Variants in TSC22D2 observed in about 807,000 individuals in gnomAD.
The protein encoded by TSC22D2 is TSC22 domain family member 2.
Under a neutral mutation model 50.1 loss-of-function variants are expected in TSC22D2, and 5 were observed. The ratio of observed to expected loss-of-function variants is 0.10; its 90% CI spans 0.05 to 0.21. The LOEUF (loss-of-function observed/expected upper bound fraction) is 0.21, where lower values mean the gene tolerates loss of function less well. TSC22D2 is among the 10% of genes least tolerant of loss of function. The probability of loss-of-function intolerance (pLI) is 1.00; values close to 1 mark genes in which losing one functional copy is unlikely to be tolerated. For missense variants in TSC22D2, 1,003 were observed against 1,015.5 expected (o/e 0.99, Z 0.17); for synonymous variants, 501 against 450.1 (o/e 1.11, Z -1.43).
chr3:150,428,734 T>C (rs1023323304), intron 1 of TSC22D2, among the ~76,000 whole-genome samples: 1 of 152,150 alleles, frequency 6.6e-6, no homozygotes, highest in Non-Finnish European at 1.5e-5. Flanking sequence ...TGTACTCCAT[T>C]TCTACAGAAC....
intron 1 of TSC22D2, among the ~76,000 whole-genome samples, chr3:150,420,154 T>C (rs1719956814): frequency 6.6e-6 from 1 of 152,206 alleles, no homozygotes; most frequent in Non-Finnish European, 1.5e-5. Flanking sequence ...CATTCCAAAA[T>C]AGAAGTCTCT....
At chr3:150,443,337 C>CTA (rs1343785198) in intron 1 of TSC22D2, among the ~76,000 whole-genome samples, 1 of 152,184 alleles carries the variant, frequency 6.6e-6, no homozygotes, top group Non-Finnish European at 1.5e-5. Flanking sequence ...GGTACATCCT[C>CTA]TAGATATTTC....
intron 1 of TSC22D2, among the ~76,000 whole-genome samples, chr3:150,427,393 A>G (rs375850284): frequency 5.3e-4 from 80 of 152,138 alleles, no homozygotes; most frequent in African/African-American, 1.9e-3. Flanking sequence ...ATGTAGGACC[A>G]TACACTATGT....
chr3:150,411,040 G>C lies in TSC22D2; in HGVS notation c.1690G>C (p.Gly564Arg), dbSNP rs1719538669. The C allele has an allele frequency of 1.2e-6, 2 of 1,614,086 alleles. No homozygotes were observed. Among genetic ancestry groups the C allele is most frequent in the Admixed American group, 1.7e-5 (1 of 60,012 alleles). ...IQHVGLPLAP[G>R]THSAPTSLPQ... is the part of the protein sequence containing the mutation. Reference sequence around the variant, plus strand: ...GCATGTTGGGCTGCCCTTAGCGCCAGGCACACACAGCGCACCAACAAGTCT... The same window carrying C: ...GCATGTTGGGCTGCCCTTAGCGCCACGCACACACAGCGCACCAACAAGTCT... Residue 564 changes from glycine (G) to arginine (R), a missense_variant, in exon 1 of 3, where the codon GGC becomes CGC. Gly to Arg is a moderately radical substitution (Grantham distance 125, BLOSUM62 -2). Around this residue, in one of 6 missense-constraint regions of TSC22D2, gnomAD observed 696 missense variants for 647.8 expected, o/e 1.07. Transcript: ENST00000688009.
intron 1 of TSC22D2, among the ~76,000 whole-genome samples, chr3:150,421,060 GC>G (rs1484685580): frequency 6.6e-6 from 1 of 152,232 alleles, no homozygotes; most frequent in Non-Finnish European, 1.5e-5. Flanking sequence ...TCCAGCCTGA[GC>G]GACAAGAGTG....
intron 1 of TSC22D2, among the ~76,000 whole-genome samples, chr3:150,429,332 T>A (rs532757806): frequency 1.3e-5 from 2 of 152,258 alleles, no homozygotes; most frequent in South Asian, 4.1e-4. Context: ...TCTTAAAAAC[T>A]AGTGAATTCT....
rs932539908 is a variant in TSC22D2, at chr3:150,464,411, CTTTT to C, written c.*5780_*5783del. The stretch of plus-strand genomic sequence containing the variant: ...TGATGTTTTCAAGAAATTTAGGTTT[CTTTT>C]TTTTATTTTATAAAAAAAATGTTGA... On this transcript the variant is annotated 3_prime_UTR_variant, in exon 3 of 3. Coordinates refer to ENST00000688009, the MANE Select transcript of TSC22D2 (RefSeq NM_001303264.2). The C allele has an allele frequency of 1.3e-5, 2 of 151,672 alleles. No individual in the cohort carries two copies. Among genetic ancestry groups the C allele is most frequent in the African/African-American group, 2.4e-5 (1 of 41,298 alleles). The allele number at this position is 151,672 out of a possible 1,614,324, so 9.4% of individuals were successfully genotyped here.
rs1263133126 is a variant in TSC22D2 at position 150,459,989 on chromosome 3, T to C, written c.*1353T>C. The stretch of plus-strand genomic sequence containing the variant: ...TATACTGAGTATTTAAATTAAAATG[T>C]ACATTTCATAAATACAGTTTCAAAA... On this transcript the variant is annotated 3_prime_UTR_variant, in exon 3 of 3. Coordinates refer to ENST00000688009, the MANE Select transcript of TSC22D2 (RefSeq NM_001303264.2). The C allele has an allele frequency of 2.0e-5, 3 of 152,178 alleles. No individual in the cohort carries two copies. The highest frequency in any genetic ancestry group is 4.4e-5 in the Non-Finnish European group (3 of 68,016). The allele number at this position is 152,178 out of a possible 1,614,324, so 9.4% of individuals were successfully genotyped here.
chr3:150,457,720 C>T (rs968229066), intron 2 of TSC22D2, among the ~76,000 whole-genome samples: 2 of 152,184 alleles, frequency 1.3e-5, no homozygotes, highest in Admixed American at 6.5e-5. Context: ...ACTGCAACCT[C>T]CACCTCCCAG....
chr3:150,438,248 C>A (rs377597053), intron 1 of TSC22D2: 2 of 420,630 alleles, frequency 4.8e-6, no homozygotes, highest in Admixed American at 4.8e-5. Context: ...TAATAATGAT[C>A]GAAAGCCGAA....
At position 150,410,104 on chromosome 3, in the gene TSC22D2, C is replaced by T. The variant is rs747175530; in HGVS notation, c.754C>T (p.Leu252=). The change falls in exon 1 of 3, where the codon CTA becomes TTA. Residue 252 remains leucine, a synonymous_variant. Transcript: ENST00000688009. The stretch of plus-strand genomic sequence containing the variant: ...CAGCTCCTTGACTGCTGTGTCACAG[C>T]TACCCCCGTCGGAGAAAATGAGCCA... The part of the protein sequence containing the change: ...TDSSLTAVSQ[L]PPSEKMSQPT... The T allele has an allele frequency of 3.1e-6, 5 of 1,612,638 alleles. No individual in the cohort carries two copies. The highest frequency in any genetic ancestry group is 3.4e-6 in the Non-Finnish European group (4 of 1,179,950).
chr3:150,410,309 G>T lies in TSC22D2; in HGVS notation c.959G>T (p.Gly320Val), dbSNP rs771333012. 2 of 1,571,260 alleles carry T rather than the reference G, an allele frequency of 1.3e-6. No individual in the cohort carries two copies. The highest frequency in any genetic ancestry group is 3.6e-5 in the Admixed American group (2 of 55,310). ...AGCCAGCCCCAGGGAGCGGGGCCCGGGGGACAGACTCTGCCGCCGACGAAT... is the reference window on the plus strand; with the variant it reads ...AGCCAGCCCCAGGGAGCGGGGCCCGTGGGACAGACTCTGCCGCCGACGAAT... ...QPSQPQGAGP[G>V]GQTLPPTNVT... The change falls in exon 1 of 3, where the codon GGG (glycine) becomes GTG (valine). Residue 320 changes from glycine (G) to valine (V), a missense_variant. Gly to Val is a moderately radical substitution (Grantham distance 109). Coordinates refer to ENST00000688009, the MANE Select transcript of TSC22D2 (RefSeq NM_001303264.2).
rs1341383126 is a variant in TSC22D2, at chr3:150,409,115, C to T, written c.-236C>T. 2.4e-6 allele frequency: 1 copy of T among 424,010 alleles called. No individual in the cohort carries two copies. The highest frequency in any genetic ancestry group is 5.8e-5 in the South Asian group (1 of 17,368). 26.3% of individuals were successfully genotyped at this position (424,010 alleles called of 1,614,324 possible). A position where few individuals can be genotyped will look rare whatever the true frequency, so the allele number is the denominator to read the frequency against. On this transcript the variant is annotated 5_prime_UTR_variant, in exon 1 of 3. Coordinates refer to ENST00000688009, the MANE Select transcript of TSC22D2 (RefSeq NM_001303264.2). The surrounding 1 kb of genome is among the most constrained non-coding windows in gnomAD (Gnocchi z 7.4). ...GAGCTAAAAAGGAAGGAGGAGCCGC[C>T]GCGGGACTGAGACGGGGGCAGAGCC... is the stretch of plus-strand genomic sequence containing the variant.
Position 150,457,146 on chromosome 3 carries a change from T to C in TSC22D2, c.2010+19T>C. 1.2e-6 allele frequency: 2 copies of C among 1,605,342 alleles called. No individual in the cohort carries two copies. Among genetic ancestry groups the C allele is most frequent in the African/African-American group, 1.3e-5 (1 of 74,674 alleles). On this transcript the variant is annotated intron_variant, in intron 2 of 2. Coordinates refer to ENST00000688009, the MANE Select transcript of TSC22D2 (RefSeq NM_001303264.2). The stretch of plus-strand genomic sequence containing the variant: ...AGCAATGGTAAGTAAAAGTTTACAG[T>C]TCTCCCATTTCATAGATTGTTGGTT...
At chr3:150,447,828 A>G (rs1720932030) in intron 1 of TSC22D2, among the ~76,000 whole-genome samples, 1 of 152,228 alleles carries the variant, frequency 6.6e-6, no homozygotes, top group Non-Finnish European at 1.5e-5. Context: ...ATCTAAGTCT[A>G]GGTAACTGTC....
At chr3:150,424,560 A>C (rs375029681) in intron 1 of TSC22D2, among the ~76,000 whole-genome samples, 25 of 152,326 alleles carry the variant, frequency 1.6e-4, no homozygotes, top group African/African-American at 5.5e-4. Flanking sequence ...TCATAATAAA[A>C]CCACCATAGA....
chr3:150,428,150 A>C (rs572625313), intron 1 of TSC22D2, among the ~76,000 whole-genome samples: 1 of 152,238 alleles, frequency 6.6e-6, no homozygotes. Flanking sequence ...TATTGAACAT[A>C]GGGAGTAGCA....
At position 150,462,217 on chromosome 3, in the gene TSC22D2, GAA is replaced by G. The variant is rs1420325885; in HGVS notation, c.*3584_*3585del. On this transcript the variant is annotated 3_prime_UTR_variant, in exon 3 of 3. Coordinates refer to ENST00000688009, the MANE Select transcript of TSC22D2 (RefSeq NM_001303264.2). ...AGAGGGAAGGGTGTTCCAAGCACAA[GAA>G]AAGAGAACTCAATGGCTTAAAAGTA... The G allele has an allele frequency of 6.6e-6, 1 of 152,174 alleles. No homozygotes were observed. Among genetic ancestry groups the G allele is most frequent in the Non-Finnish European group, 1.5e-5 (1 of 68,058 alleles). 9.4% of individuals were successfully genotyped at this position (152,174 alleles called of 1,614,324 possible).
chr3:150,434,896 CTT>C (rs1560086492), intron 1 of TSC22D2, among the ~76,000 whole-genome samples: 1 of 151,964 alleles, frequency 6.6e-6, no homozygotes, highest in Non-Finnish European at 1.5e-5. Flanking sequence ...CTAATTGTGT[CTT>C]AAATTATATC....
Sources: gnomAD v4.1 joint callset for allele counts (sites outside exome capture counted in the v4.1 genomes callset) on GRCh38, gnomAD v4.1.1 for gene constraint, gnomAD v4.1.1 regional missense constraint, Gnocchi (gnomAD v3.1) non-coding constraint, MANE v1.5 for transcripts, NCBI Gene and HGNC (gene_info 2026-07-23, HGNC 2026-07-21) for gene names.